MYO3B: variants seen among roughly 807,000 people sequenced by gnomAD.
MYO3B encodes myosin IIIB, also known as myosin-IIIb.
MYO3B carries 156 observed loss-of-function variants against 174.6 expected under a neutral mutation model. The observed-to-expected ratio is 0.89, with a 90% CI of 0.78 to 1.02. MYO3B has a LOEUF of 1.02. Ranked by LOEUF, MYO3B falls within the 50% of genes least tolerant of loss-of-function variation. MYO3B has a pLI of 0.00. For missense variants in MYO3B, 1,632 were observed against 1,639.4 expected, an observed-to-expected ratio of 1.00 and a Z score of 0.08; for synonymous variants, 563 against 569.1, an observed-to-expected ratio of 0.99 and a Z score of 0.15.
At chr2:170,281,429 C>T (rs950726556) in intron 7 of MYO3B, among the ~76,000 whole-genome samples, 3 of 152,128 alleles carry the variant, frequency 2.0e-5, no homozygotes, top group African/African-American at 7.2e-5. Context: ...TCTTGGACCA[C>T]AGTGCAATAA....
intron 30 of MYO3B, 129 bp downstream of exon 30, chr2:170,519,669 G>A: frequency 1.2e-6 from 1 of 828,480 alleles, no homozygotes; most frequent in Admixed American, 2.4e-5. Context: ...TGGAGAGAGT[G>A]GAACCAAAAA....
intron 11 of MYO3B, 144 bp downstream of exon 11, chr2:170,383,333 T>A: frequency 1.6e-6 from 1 of 623,826 alleles, no homozygotes. Context: ...GTAATACAAA[T>A]GGAATTTTTA....
intron 7 of MYO3B, among the ~76,000 whole-genome samples, chr2:170,304,518 G>A (rs1205517272): frequency 6.9e-6 from 1 of 144,984 alleles, no homozygotes; most frequent in African/African-American, 2.6e-5. Context: ...AGGCTGGAGT[G>A]CAGTGGCGTG....
Position 170,206,269 on chromosome 2 carries a change from T to C in MYO3B, c.321+5985T>C, listed in dbSNP as rs2092712750. Among the ~76,000 whole-genome samples the C allele has an allele frequency of 6.6e-6, 1 of 152,182 alleles. No homozygotes were observed. The highest frequency in any genetic ancestry group is 2.4e-5 in the African/African-American group (1 of 41,446). ...CAAACTCATTGTAAATGTTACATCC[T>C]CTGGGAAGTTTTCCTAGACTGTCCC... is the stretch of plus-strand genomic sequence containing the variant. On this transcript the variant is annotated intron_variant, in intron 3 of 34. Coordinates refer to ENST00000408978, the MANE Select transcript of MYO3B (RefSeq NM_138995.5). This position sits in a 1 kb window ranked among gnomAD's most constrained non-coding sequence, Gnocchi z 4.3.
chr2:170,592,151 C>T (rs115660673), intron 32 of MYO3B, among the ~76,000 whole-genome samples: 5,157 of 152,212 alleles, frequency 0.034, 213 homozygotes, highest in African/African-American at 0.076. Context: ...GAGCCAAAGC[C>T]CTCACCATAA....
At chr2:170,547,806 C>A (rs1409652494) in intron 32 of MYO3B, among the ~76,000 whole-genome samples, 1 of 152,050 alleles carries the variant, frequency 6.6e-6, no homozygotes, top group East Asian at 1.9e-4. Flanking sequence ...ATTAAGCAGA[C>A]AAGTAAGTCA....
At chr2:170,357,800 T>G (rs2094133589) in intron 8 of MYO3B, among the ~76,000 whole-genome samples, 1 of 152,170 alleles carries the variant, frequency 6.6e-6, no homozygotes, top group Non-Finnish European at 1.5e-5. Flanking sequence ...AAAACATGTG[T>G]CCACATAAAA....
intron 22 of MYO3B, among the ~76,000 whole-genome samples, chr2:170,410,592 G>GAAAAAAAAAAA (rs59296953): frequency 8.0e-5 from 9 of 112,510 alleles, no homozygotes; most frequent in Non-Finnish European, 1.3e-4. Context: ...CAAAAAAAAA[G>GAAAAAAAAAAA]AAAAAAAAAA....
At chr2:170,575,982 A>G (rs1368599515) in intron 32 of MYO3B, among the ~76,000 whole-genome samples, 1 of 152,208 alleles carries the variant, frequency 6.6e-6, no homozygotes, top group Non-Finnish European at 1.5e-5. Context: ...TAAAGACTCC[A>G]AAAACTTAAA....
chr2:170,216,835 G>A (rs1387474731), intron 5 of MYO3B, among the ~76,000 whole-genome samples: 2 of 151,864 alleles, frequency 1.3e-5, no homozygotes, highest in African/African-American at 4.8e-5. Context: ...GATCCTAGTT[G>A]TTGATATTTT....
intron 22 of MYO3B, among the ~76,000 whole-genome samples, chr2:170,434,868 C>G (rs1157066134): frequency 1.3e-5 from 2 of 152,196 alleles, no homozygotes; most frequent in African/African-American, 4.8e-5. Flanking sequence ...CTATGTTGCC[C>G]AAGCTGGTCT....
intron 3 of MYO3B, among the ~76,000 whole-genome samples, chr2:170,212,339 C>T (rs1029085831): frequency 6.6e-6 from 1 of 151,972 alleles, no homozygotes; most frequent in Non-Finnish European, 1.5e-5. Flanking sequence ...TGGGGAGCCA[C>T]CAGTTTGCCC....
chr2:170,508,532 C>T (rs553230813), intron 28 of MYO3B, among the ~76,000 whole-genome samples: 22 of 152,324 alleles, frequency 1.4e-4, no homozygotes, highest in African/African-American at 4.6e-4. Flanking sequence ...TACCTCTTAA[C>T]AGAGGAACCA....
chr2:170,415,612 C>T (rs60121489), intron 22 of MYO3B, among the ~76,000 whole-genome samples: 332 of 152,248 alleles, frequency 2.2e-3, no homozygotes, highest in African/African-American at 7.4e-3. Flanking sequence ...TGAGCCAAAT[C>T]GACGCATCCA....
chr2:170,334,960 A>G (rs568384992), intron 7 of MYO3B: 1 of 156,528 alleles, frequency 6.4e-6, no homozygotes, highest in East Asian at 1.9e-4. Context: ...GCATCACATA[A>G]TTAATCCAAA....
At chr2:170,245,303 G>A (rs748593274) in intron 7 of MYO3B, among the ~76,000 whole-genome samples, 24 of 152,174 alleles carry the variant, frequency 1.6e-4, no homozygotes, top group Non-Finnish European at 2.2e-4. Context: ...TGAAAGAGCC[G>A]TGAGTTTAAT....
At chr2:170,581,971 G>A (rs1693179067) in intron 32 of MYO3B, among the ~76,000 whole-genome samples, 1 of 152,170 alleles carries the variant, frequency 6.6e-6, no homozygotes, top group African/African-American at 2.4e-5. Flanking sequence ...AAAAGTTGAG[G>A]ATCACCTTAA....
At position 170,234,190 on chromosome 2, in the gene MYO3B, AAACAAAAC is replaced by A. The variant is rs1284776815; in HGVS notation, c.604-1798_604-1791del. Among the ~76,000 whole-genome samples, 71 of 25,462 alleles carry A rather than the reference AAACAAAAC, an allele frequency of 2.8e-3. 3 individuals are homozygous for A. Among genetic ancestry groups the A allele is most frequent in the Middle Eastern group, 0.023 (1 of 44 alleles). The allele number at this position is 25,462 out of a possible 152,430, so 16.7% of individuals were successfully genotyped here. A position where few individuals can be genotyped will look rare whatever the true frequency, so the allele number is the denominator to read the frequency against. The stretch of plus-strand genomic sequence containing the variant: ...CGTCTCAAAAAAAAAAAAAAAAACA[AAACAAAAC>A]AAAAAAAAAACACCTGTTTCTTAGT... On this transcript the variant is annotated intron_variant, in intron 6 of 34. Coordinates refer to ENST00000408978, the MANE Select transcript of MYO3B (RefSeq NM_138995.5).
intron 30 of MYO3B, among the ~76,000 whole-genome samples, chr2:170,533,525 A>G (rs1480053386): frequency 2.0e-5 from 3 of 152,060 alleles, no homozygotes; most frequent in African/African-American, 7.2e-5. Context: ...CTACAAGTCT[A>G]TGCCTTGGCC....
Sources: allele counts gnomAD v4.1 joint callset (sites outside exome capture counted in the v4.1 genomes callset), GRCh38; gene constraint gnomAD v4.1.1; non-coding constraint Gnocchi (gnomAD v3.1); transcripts MANE v1.5; gene names NCBI Gene and HGNC (gene_info 2026-07-23, HGNC 2026-07-21).